Variants in NAALADL2 observed in about 807,000 individuals in gnomAD.
The protein encoded by NAALADL2 is inactive N-acetylated-alpha-linked acidic dipeptidase-like protein 2.
NAALADL2 carries 76 observed loss-of-function variants against 87.2 expected under a neutral mutation model. The ratio of observed to expected loss-of-function variants is 0.87; its 90% CI spans 0.72 to 1.05. The LOEUF (loss-of-function observed/expected upper bound fraction) is 1.05, where lower values mean the gene tolerates loss of function less well. Ranked by LOEUF, NAALADL2 falls within the 50% of genes least tolerant of loss-of-function variation. The probability of loss-of-function intolerance (pLI) is 0.00; values close to 1 mark genes in which losing one functional copy is unlikely to be tolerated. For missense variants in NAALADL2, 1,089 were observed against 945.8 expected, an observed-to-expected ratio of 1.15 and a Z score of -1.99; for synonymous variants, 354 against 331.0, an observed-to-expected ratio of 1.07 and a Z score of -0.75.
At chr3:174,975,446 G>C (rs372282556) in intron 1 of NAALADL2, among the ~76,000 whole-genome samples, 5 of 152,006 alleles carry the variant, frequency 3.3e-5, no homozygotes, top group African/African-American at 9.7e-5. Flanking sequence ...TCCATCTCCT[G>C]GTGTGCATAC....
At chr3:174,882,987 C>T (rs554611059) in intron 1 of NAALADL2, among the ~76,000 whole-genome samples, 16 of 151,600 alleles carry the variant, frequency 1.1e-4, no homozygotes, top group East Asian at 9.7e-4. Context: ...CGCAATAGCC[C>T]GTCTGTAGGC....
At chr3:174,799,154 A>G (rs1198823620) in intron 3 of NAALADL2, among the ~76,000 whole-genome samples, 1 of 149,700 alleles carries the variant, frequency 6.7e-6, no homozygotes, top group African/African-American at 2.5e-5. Context: ...TGGGCGACAG[A>G]GCAAGACTCT....
chr3:175,762,841 T>C (rs534897635), intron 13 of NAALADL2, among the ~76,000 whole-genome samples: 22 of 152,110 alleles, frequency 1.4e-4, no homozygotes, highest in Non-Finnish European at 2.1e-4. Flanking sequence ...CCCAGCACTT[T>C]GGGAAGGCCG....
At chr3:175,413,238 C>A (rs1713936803) in intron 5 of NAALADL2, among the ~76,000 whole-genome samples, 1 of 147,874 alleles carries the variant, frequency 6.8e-6, no homozygotes, top group Middle Eastern at 3.6e-3. Context: ...AGATGGAGAA[C>A]ATCCTGGCTA....
chr3:175,473,281 C>G (rs868395782), intron 9 of NAALADL2, among the ~76,000 whole-genome samples: 2 of 151,918 alleles, frequency 1.3e-5, no homozygotes, highest in African/African-American at 2.4e-5. Flanking sequence ...CAAATGATGA[C>G]GTACATGTCA....
At chr3:175,684,259 AT>A (rs1735979779) in intron 11 of NAALADL2, among the ~76,000 whole-genome samples, 2 of 152,176 alleles carry the variant, frequency 1.3e-5, no homozygotes, top group South Asian at 4.1e-4. Context: ...TTTTTAAAAA[AT>A]ATCCAAATGG....
At chr3:175,215,356 C>T (rs1742356243) in intron 2 of NAALADL2, among the ~76,000 whole-genome samples, 1 of 152,170 alleles carries the variant, frequency 6.6e-6, no homozygotes, top group Admixed American at 6.6e-5. Flanking sequence ...GCACTTGAAT[C>T]ATACCCTTGT....
chr3:174,901,309 T>C (rs1298827678), intron 1 of NAALADL2, among the ~76,000 whole-genome samples: 1 of 152,176 alleles, frequency 6.6e-6, no homozygotes, highest in South Asian at 2.1e-4. Flanking sequence ...GTGTGATTGA[T>C]TATCTGAGAT....
chr3:174,788,451 G>T (rs1401225343), intron 3 of NAALADL2, among the ~76,000 whole-genome samples: 2 of 152,038 alleles, frequency 1.3e-5, no homozygotes, highest in African/African-American at 4.8e-5. Flanking sequence ...AAAATCCAGG[G>T]GTCAACCAGT....
At chr3:175,247,426 G>A (rs1225573118) in intron 3 of NAALADL2, among the ~76,000 whole-genome samples, 1 of 152,266 alleles carries the variant, frequency 6.6e-6, no homozygotes, top group Admixed American at 6.5e-5. Context: ...ATTGAATGGG[G>A]TAGTTATAGT....
At chr3:175,195,410 T>C (rs1267566099) in intron 2 of NAALADL2, among the ~76,000 whole-genome samples, 10 of 151,822 alleles carry the variant, frequency 6.6e-5, no homozygotes, top group Admixed American at 6.6e-4. Flanking sequence ...ACAGCCATCC[T>C]GAGATGGATC....
intron 1 of NAALADL2, among the ~76,000 whole-genome samples, chr3:175,090,655 A>T (rs2108315939): frequency 6.6e-6 from 1 of 151,598 alleles, no homozygotes; most frequent in East Asian, 1.9e-4. Flanking sequence ...TTTACATGTC[A>T]TTTAGTGATC....
chr3:175,469,818 T>C (rs1418536661), intron 8 of NAALADL2, among the ~76,000 whole-genome samples: 2 of 152,060 alleles, frequency 1.3e-5, no homozygotes, highest in East Asian at 1.9e-4. Flanking sequence ...ATGAGAATTA[T>C]ATAGACTAAC....
At chr3:174,941,216 G>A (rs1738529253) in intron 1 of NAALADL2, among the ~76,000 whole-genome samples, 1 of 152,036 alleles carries the variant, frequency 6.6e-6, no homozygotes, top group Non-Finnish European at 1.5e-5. Context: ...GTTCTCATTA[G>A]CATCAAAGAA....
chr3:175,066,824 C>A (rs1714620603), intron 1 of NAALADL2, among the ~76,000 whole-genome samples: 1 of 152,162 alleles, frequency 6.6e-6, no homozygotes, highest in Non-Finnish European at 1.5e-5. Flanking sequence ...TGTGAACACA[C>A]ATGTAGGCAA....
At chr3:174,950,063 T>C (rs2108507453) in intron 1 of NAALADL2, among the ~76,000 whole-genome samples, 1 of 152,298 alleles carries the variant, frequency 6.6e-6, no homozygotes. Flanking sequence ...ATTGGTTTCC[T>C]ATTTTTAAAG....
intron 1 of NAALADL2, among the ~76,000 whole-genome samples, chr3:174,514,502 T>C (rs1473944851): frequency 6.6e-6 from 1 of 152,234 alleles, no homozygotes; most frequent in Non-Finnish European, 1.5e-5. Flanking sequence ...AAGGATTATG[T>C]ATGTTTTTAT....
intron 3 of NAALADL2, among the ~76,000 whole-genome samples, chr3:174,842,198 T>C (rs1332125553): frequency 6.6e-6 from 1 of 151,982 alleles, no homozygotes. Context: ...ATTACAGCCA[T>C]GCACCACCAC....
chr3:174,572,770 G>A (rs932198697), intron 2 of NAALADL2, among the ~76,000 whole-genome samples: 3 of 152,158 alleles, frequency 2.0e-5, no homozygotes, highest in African/African-American at 7.2e-5. Context: ...CAGACCTAAA[G>A]TGTAGGACTA....
Sources: allele counts gnomAD v4.1 joint callset (sites outside exome capture counted in the v4.1 genomes callset), GRCh38; gene constraint gnomAD v4.1.1; transcripts MANE v1.5; gene names NCBI Gene and HGNC (gene_info 2026-07-23, HGNC 2026-07-21).